DRD2: variants seen among roughly 807,000 people sequenced by gnomAD.
DRD2 encodes D(2) dopamine receptor.
In DRD2, 8 loss-of-function variants were observed where a neutral mutation model predicts 38.0. The observed-to-expected ratio is 0.21, with a 90% CI of 0.12 to 0.38. The LOEUF (loss-of-function observed/expected upper bound fraction) is 0.38, where lower values mean the gene tolerates loss of function less well. Among genes scored for constraint, DRD2 ranks in the 10% least tolerant of loss-of-function variants. DRD2 has a pLI of 1.00. For missense variants in DRD2, 403 were observed against 607.7 expected (o/e 0.66, Z 3.54); for synonymous variants, 230 against 238.6 (o/e 0.96, Z 0.33).
chr11:113,410,494 C>G lies in DRD2; in HGVS notation c.*233G>C, dbSNP rs1950757892. 1.7e-6 allele frequency: 1 copy of G among 605,314 alleles called. No individual in the cohort carries two copies. The highest frequency in any genetic ancestry group is 1.8e-5 in the African/African-American group (1 of 54,320). The allele number at this position is 605,314 out of a possible 1,614,324, so 37.5% of individuals were successfully genotyped here. On this transcript the variant is annotated 3_prime_UTR_variant, in exon 8 of 8. Coordinates refer to ENST00000362072, the MANE Select transcript of DRD2 (RefSeq NM_000795.4). Reference sequence around the variant, plus strand: ...GGGGACTCTATGAGCTGCCCCTGAGCTGGGGGGCCCAGCCCCAGGGCTGGT... The same window carrying G: ...GGGGACTCTATGAGCTGCCCCTGAGGTGGGGGGCCCAGCCCCAGGGCTGGT...
At chr11:113,472,340 C>T (rs1415755439) in intron 1 of DRD2, among the ~76,000 whole-genome samples, 1 of 152,172 alleles carries the variant, frequency 6.6e-6, no homozygotes, top group African/African-American at 2.4e-5. Flanking sequence ...AGAATGGTGA[C>T]CCCAGACCAG....
At chr11:113,458,375 G>A (rs1018110478) in intron 1 of DRD2, among the ~76,000 whole-genome samples, 3 of 144,192 alleles carry the variant, frequency 2.1e-5, no homozygotes, top group Non-Finnish European at 4.6e-5. Context: ...TGCCAGGTGT[G>A]GGCCTACAAA....
intron 1 of DRD2, among the ~76,000 whole-genome samples, chr11:113,452,470 G>GCA (rs1555167781): frequency 2.2e-3 from 88 of 39,556 alleles, no homozygotes; most frequent in Non-Finnish European, 4.5e-3. Context: ...GTGTGTGTGT[G>GCA]CGCGCGCGCG....
intron 1 of DRD2, among the ~76,000 whole-genome samples, chr11:113,428,846 C>T (rs1303288305): frequency 6.6e-6 from 1 of 152,242 alleles, no homozygotes; most frequent in South Asian, 2.1e-4. Context: ...AGGCTGGTCT[C>T]ACACTCCTGG....
intron 1 of DRD2, among the ~76,000 whole-genome samples, chr11:113,465,275 A>G (rs371884714): frequency 1.2e-4 from 18 of 152,252 alleles, no homozygotes; most frequent in African/African-American, 4.3e-4. Flanking sequence ...TAAGTTTTGT[A>G]GTAGAGATGA....
At chr11:113,435,672 C>T (rs1427469813) in intron 1 of DRD2, among the ~76,000 whole-genome samples, 4 of 150,124 alleles carry the variant, frequency 2.7e-5, no homozygotes, top group African/African-American at 4.9e-5. Context: ...TTTGCCCCCA[C>T]AAAGAAAAAA....
intron 2 of DRD2, among the ~76,000 whole-genome samples, chr11:113,423,655 G>T (rs1046375416): frequency 2.7e-4 from 41 of 152,202 alleles, no homozygotes; most frequent in Admixed American, 1.5e-3. Flanking sequence ...TGTCAGCAAT[G>T]CACCAGGCAC....
chr11:113,466,696 C>A (rs1951373269), intron 1 of DRD2, among the ~76,000 whole-genome samples: 1 of 152,170 alleles, frequency 6.6e-6, no homozygotes, highest in African/African-American at 2.4e-5. Flanking sequence ...GAGAGTGTCG[C>A]TATGGGGAAG....
In DRD2 at chr11:113,415,586, G is replaced by A. The variant is rs1236435539; in HGVS notation, c.558C>T (p.Asn186=). ...TGGAGGAGTAGACCACGAAGGCCGGGTTGGCAATGATGCACTCGTTCTGGT... is the reference window on the plus strand; with the variant it reads ...TGGAGGAGTAGACCACGAAGGCCGGATTGGCAATGATGCACTCGTTCTGGT... The part of the protein sequence containing the change: ...NADQNECIIA[N]PAFVVYSSIV... Residue 186 remains asparagine (N), a synonymous_variant, in exon 5 of 8, where the codon AAC becomes AAT. Coordinates refer to ENST00000362072, the MANE Select transcript of DRD2 (RefSeq NM_000795.4). The A allele has an allele frequency of 6.2e-7, 1 of 1,613,920 alleles. No homozygotes were observed. Among genetic ancestry groups the A allele is most frequent in the African/African-American group, 1.3e-5 (1 of 74,940 alleles).
chr11:113,426,435 T>C (rs961526033), intron 1 of DRD2, among the ~76,000 whole-genome samples: 3 of 152,210 alleles, frequency 2.0e-5, no homozygotes, highest in Non-Finnish European at 4.4e-5. Flanking sequence ...TTTTACAGAA[T>C]AGAATTAAAC....
At chr11:113,423,771 T>C (rs551630075) in intron 2 of DRD2, among the ~76,000 whole-genome samples, 5 of 152,238 alleles carry the variant, frequency 3.3e-5, no homozygotes, top group African/African-American at 1.2e-4. Flanking sequence ...GCACAGTCCA[T>C]GGCAGCCTCT....
intron 3 of DRD2, among the ~76,000 whole-genome samples, chr11:113,417,285 C>G (rs1399351075): frequency 6.6e-6 from 1 of 152,188 alleles, no homozygotes; most frequent in Non-Finnish European, 1.5e-5. Flanking sequence ...TTCGAAGAAC[C>G]ATGGCCTGCA....
intron 1 of DRD2, among the ~76,000 whole-genome samples, chr11:113,439,248 T>C (rs1289163103): frequency 2.0e-5 from 3 of 152,192 alleles, no homozygotes; most frequent in Non-Finnish European, 4.4e-5. Flanking sequence ...TAGCATCTCC[T>C]AGGAAGGCTA....
intron 1 of DRD2, among the ~76,000 whole-genome samples, chr11:113,456,989 G>C (rs1042168463): frequency 3.3e-5 from 5 of 152,132 alleles, no homozygotes; most frequent in African/African-American, 7.2e-5. Context: ...AGGAATGAAT[G>C]GACCCCTGGG....
chr11:113,470,827 G>C (rs1222701998), intron 1 of DRD2, among the ~76,000 whole-genome samples: 3 of 152,148 alleles, frequency 2.0e-5, no homozygotes, highest in Non-Finnish European at 2.9e-5. Flanking sequence ...CTATCCAGGG[G>C]AAGAGGGAGG....
intron 1 of DRD2, among the ~76,000 whole-genome samples, chr11:113,444,496 A>G (rs1318046273): frequency 1.3e-5 from 2 of 152,244 alleles, no homozygotes; most frequent in Admixed American, 1.3e-4. Context: ...CATACTGAAT[A>G]TGAGGGCTTC....
rs201061220 is a variant in DRD2 at position 113,424,515 on chromosome 11, G to A, written c.137C>T (p.Ala46Val). ...CAGCACGTTGCCGAAGACGATGACA[G>A]CGATGAGCAGGGTGAGCAGTGTGGC... ...YYATLLTLLI[A>V]VIVFGNVLVC... The change falls in exon 2 of 8, where the codon GCT becomes GTT. Residue 46 changes from alanine (A) to valine (V), a missense_variant. Ala to Val is a moderately conservative substitution (Grantham distance 64). Around this residue, in one of 4 missense-constraint regions of DRD2, gnomAD observed 162 missense variants for 254.5 expected, o/e 0.64. Coordinates refer to ENST00000362072, the MANE Select transcript of DRD2 (RefSeq NM_000795.4). The A allele has an allele frequency of 1.2e-6, 2 of 1,614,244 alleles. No homozygotes were observed. Among genetic ancestry groups the A allele is most frequent in the Non-Finnish European group, 1.7e-6 (2 of 1,180,044 alleles).
chr11:113,414,600 G>T, intron 5 of DRD2, 139 bp from the exon 6 acceptor site: 1 of 828,520 alleles, frequency 1.2e-6, no homozygotes, highest in Non-Finnish European at 2.1e-6. Context: ...AGAGGAGGCA[G>T]TTGGGGCAAG....
At chr11:113,433,356 T>C (rs2138194289) in intron 1 of DRD2, among the ~76,000 whole-genome samples, 1 of 152,284 alleles carries the variant, frequency 6.6e-6, no homozygotes, top group South Asian at 2.1e-4. Context: ...CTTGAGCCCC[T>C]GGACTCCCCC....
Sources: gnomAD v4.1 joint callset for allele counts (sites outside exome capture counted in the v4.1 genomes callset) on GRCh38, gnomAD v4.1.1 for gene constraint, gnomAD v4.1.1 regional missense constraint, MANE v1.5 for transcripts, NCBI Gene and HGNC (gene_info 2026-07-23, HGNC 2026-07-21) for gene names.